GRIN2A: variants seen among roughly 807,000 people sequenced by gnomAD.
GRIN2A encodes the protein glutamate ionotropic receptor NMDA type subunit 2A.
Under a neutral mutation model 113.4 loss-of-function variants are expected in GRIN2A, and 22 were observed. The ratio of observed to expected loss-of-function variants is 0.19; its 90% confidence interval spans 0.14 to 0.28. The LOEUF is 0.28. GRIN2A is among the 10% of genes least tolerant of loss of function. The probability of loss-of-function intolerance (pLI) is 1.00; values close to 1 mark genes in which losing one functional copy is unlikely to be tolerated. For missense variants in GRIN2A, 1,502 were observed against 1,887.0 expected (o/e 0.80, Z 3.78); for synonymous variants, 827 against 738.4 (o/e 1.12, Z -1.94).
At chr16:9,894,927 A>G (rs1435154571) in intron 3 of GRIN2A, among the ~76,000 whole-genome samples, 1 of 152,116 alleles carries the variant, frequency 6.6e-6, no homozygotes, top group Non-Finnish European at 1.5e-5. Context: ...CCATCTATCA[A>G]TACATTCATC....
At chr16:9,965,687 T>C (rs920874022) in intron 2 of GRIN2A, among the ~76,000 whole-genome samples, 1 of 152,126 alleles carries the variant, frequency 6.6e-6, no homozygotes, top group African/African-American at 2.4e-5. Flanking sequence ...TGTGTGGAAT[T>C]AAGGAATAAA....
At chr16:10,120,370 G>T (rs1164859567) in intron 2 of GRIN2A, among the ~76,000 whole-genome samples, 1 of 152,146 alleles carries the variant, frequency 6.6e-6, no homozygotes, top group Non-Finnish European at 1.5e-5. Context: ...AATGTCCATA[G>T]TGCCAAGGTT....
intron 2 of GRIN2A, among the ~76,000 whole-genome samples, chr16:9,975,032 G>A (rs1257569148): frequency 6.6e-6 from 1 of 151,970 alleles, no homozygotes; most frequent in Non-Finnish European, 1.5e-5. Context: ...CAGAAAACTG[G>A]TTATAGAAGG....
At chr16:9,844,071 T>A (rs1352082101) in intron 5 of GRIN2A, among the ~76,000 whole-genome samples, 1 of 152,176 alleles carries the variant, frequency 6.6e-6, no homozygotes, top group Non-Finnish European at 1.5e-5. Flanking sequence ...CATTCTATGT[T>A]CCTTCCCTTC....
At chr16:10,128,999 C>T (rs1039268997) in intron 2 of GRIN2A, among the ~76,000 whole-genome samples, 1 of 152,186 alleles carries the variant, frequency 6.6e-6, no homozygotes, top group African/African-American at 2.4e-5. Flanking sequence ...ATCCCCGTAA[C>T]CAATCTTTAT....
intron 2 of GRIN2A, among the ~76,000 whole-genome samples, chr16:10,013,183 G>A (rs943875903): frequency 6.6e-6 from 1 of 152,262 alleles, no homozygotes; most frequent in East Asian, 1.9e-4. Context: ...TTTAAAAAGA[G>A]ATCCATCCCT....
At chr16:10,029,150 G>C (rs530255614) in intron 2 of GRIN2A, among the ~76,000 whole-genome samples, 4 of 152,032 alleles carry the variant, frequency 2.6e-5, no homozygotes, top group Admixed American at 1.3e-4. Flanking sequence ...GGGAGAGAGA[G>C]TCTACAAGAA....
chr16:10,142,095 G>C (rs2049338339), intron 2 of GRIN2A, among the ~76,000 whole-genome samples: 2 of 152,144 alleles, frequency 1.3e-5, no homozygotes, highest in African/African-American at 4.8e-5. Context: ...CTGAGTTATA[G>C]GAAATATCCC....
chr16:9,793,088 TG>T (rs1902720490), intron 11 of GRIN2A, among the ~76,000 whole-genome samples: 1 of 152,236 alleles, frequency 6.6e-6, no homozygotes, highest in African/African-American at 2.4e-5. Flanking sequence ...TGAGCTCTGC[TG>T]CAGTTCACTT....
chr16:9,798,142 A>T, intron 11 of GRIN2A, 135 bp downstream of exon 11: 1 of 741,114 alleles, frequency 1.3e-6, no homozygotes, highest in Non-Finnish European at 2.4e-6. Context: ...CCATGGTTTC[A>T]TGTGACAGGA....
At chr16:9,805,007 A>G (rs1167699568) in intron 10 of GRIN2A, among the ~76,000 whole-genome samples, 1 of 152,172 alleles carries the variant, frequency 6.6e-6, no homozygotes, top group East Asian at 1.9e-4. Flanking sequence ...AGCTCTCAAG[A>G]GCTGCTACAG....
At chr16:10,156,718 G>A (rs1483127567) in intron 2 of GRIN2A, among the ~76,000 whole-genome samples, 1 of 152,198 alleles carries the variant, frequency 6.6e-6, no homozygotes, top group Non-Finnish European at 1.5e-5. Context: ...AAACTTAAAG[G>A]ACTTAAAGGC....
intron 2 of GRIN2A, among the ~76,000 whole-genome samples, chr16:10,131,211 G>A (rs1418460193): frequency 1.3e-5 from 2 of 152,136 alleles, no homozygotes; most frequent in Non-Finnish European, 2.9e-5. Context: ...ATTAAACACC[G>A]AGGCTAGTGG....
At chr16:10,098,931 C>G (rs551804969) in intron 2 of GRIN2A, among the ~76,000 whole-genome samples, 1 of 144,576 alleles carries the variant, frequency 6.9e-6, no homozygotes, top group Admixed American at 6.8e-5. Context: ...TACTGTCCCC[C>G]CTCCCCCCCC....
At chr16:10,009,520 C>T (rs1319757095) in intron 2 of GRIN2A, among the ~76,000 whole-genome samples, 4 of 152,016 alleles carry the variant, frequency 2.6e-5, no homozygotes, top group South Asian at 2.1e-4. Context: ...TTCCCAAGGA[C>T]GGCACAACCC....
chr16:9,988,767 T>C (rs2046037668), intron 2 of GRIN2A, among the ~76,000 whole-genome samples: 1 of 152,134 alleles, frequency 6.6e-6, no homozygotes, highest in African/African-American at 2.4e-5. Context: ...ATATGATTAA[T>C]CTCAAATAAG....
chr16:10,174,824 CACAA>C (rs1413239342), intron 2 of GRIN2A, among the ~76,000 whole-genome samples: 1 of 145,508 alleles, frequency 6.9e-6, no homozygotes, highest in African/African-American at 2.6e-5. Flanking sequence ...CCAAACACAG[CACAA>C]ACAGAGAACT....
At chr16:9,777,593 T>C (rs1901681165) in intron 11 of GRIN2A, among the ~76,000 whole-genome samples, 1 of 152,258 alleles carries the variant, frequency 6.6e-6, no homozygotes, top group African/African-American at 2.4e-5. Flanking sequence ...AGGCTGTCTT[T>C]GGCATAAATG....
chr16:10,030,641 T>C (rs1033002358), intron 2 of GRIN2A, among the ~76,000 whole-genome samples: 6 of 152,184 alleles, frequency 3.9e-5, no homozygotes, highest in African/African-American at 1.4e-4. Context: ...ACTTTTTATT[T>C]TGTGTTTTTT....
Sources: allele counts gnomAD v4.1 joint callset (sites outside exome capture counted in the v4.1 genomes callset), GRCh38; gene constraint gnomAD v4.1.1; transcripts MANE v1.5; gene names NCBI Gene and HGNC (gene_info 2026-07-23, HGNC 2026-07-21).